The following CEP152 variants were observed in gnomAD, a reference collection of about 807,000 sequenced individuals.
The protein encoded by CEP152 is centrosomal protein 152, also known as centrosomal protein of 152 kDa.
A neutral mutation model predicts 188.9 loss-of-function variants in CEP152; 132 were observed. The observed-to-expected ratio is 0.70, with a 90% confidence interval of 0.61 to 0.81. CEP152 has a LOEUF of 0.81. Among genes scored for constraint, CEP152 ranks in the 30% least tolerant of loss-of-function variants. The pLI, the probability that CEP152 is intolerant of heterozygous loss-of-function variation, is 0.00. For synonymous variants in CEP152, 649 were observed against 666.6 expected (o/e 0.97, Z 0.41); for missense variants, 1,914 against 1,969.8 (o/e 0.97, Z 0.54).
intron 13 of CEP152, among the ~76,000 whole-genome samples, chr15:48,772,197 G>T (rs934675167): frequency 3.3e-5 from 5 of 152,144 alleles, no homozygotes; most frequent in African/African-American, 1.2e-4. Context: ...GATTGCTTGA[G>T]CCCAGGAGTT....
At chr15:48,762,777 T>C in intron 17 of CEP152, 105 bp from the exon 18 acceptor site, 4 of 1,079,102 alleles carry the variant, frequency 3.7e-6, no homozygotes, top group Middle Eastern at 2.5e-4. Flanking sequence ...TTGAAAACCA[T>C]CTAGATATTG....
At position 48,743,510 on chromosome 15, in the gene CEP152, T is replaced by C. The variant is rs1374841841; in HGVS notation, c.3835+730A>G. Among the ~76,000 whole-genome samples, 4 of 152,034 alleles carry C rather than the reference T, an allele frequency of 2.6e-5. No individual in the cohort carries two copies. In the East Asian group the frequency reaches 7.7e-4, roughly 29 times the overall value. ...TTGATAAATTTATAGCTATGAGAAA[T>C]AATAACCAGAAACAACAGAACAATT... On this transcript the variant is annotated intron_variant, in intron 24 of 26. Coordinates refer to ENST00000380950, the MANE Select transcript of CEP152 (RefSeq NM_001194998.2).
intron 2 of CEP152, 71 bp downstream of exon 2, chr15:48,805,492 T>G: frequency 1.3e-6 from 2 of 1,547,104 alleles, no homozygotes; most frequent in Admixed American, 1.9e-5. Context: ...TGATACAATT[T>G]TGATCAAGAA....
rs987731452 is a variant in CEP152, at chr15:48,793,348, G to C, written c.805C>G (p.Leu269Val). 9 of 1,613,836 alleles carry C rather than the reference G, an allele frequency of 5.6e-6. No homozygotes were observed. The African/African-American group carries it at 1.2e-4, about 22-fold the overall frequency. ...LNESERQIRY[L>V]NHQLVIIKDE... ...TTTATTATTACAAGCTGGTGATTCA[G>C]ATATCGAATTTGACGTTCACTTTCA... The change falls in exon 7 of 27, where the codon CTG becomes GTG. Residue 269 changes from leucine to valine, a missense_variant. Coordinates refer to ENST00000380950, the MANE Select transcript of CEP152 (RefSeq NM_001194998.2).
intron 17 of CEP152, among the ~76,000 whole-genome samples, chr15:48,764,431 C>CACTA (rs1894906284): frequency 6.6e-6 from 1 of 152,162 alleles, no homozygotes; most frequent in African/African-American, 2.4e-5. Context: ...CTCTCTACAA[C>CACTA]ACTAACAGTC....
At position 48,767,150 on chromosome 15, in the gene CEP152, C is replaced by G. The variant is rs558073253; in HGVS notation, c.2190G>C (p.Gln730His). The G allele has an allele frequency of 6.2e-7, 1 of 1,613,804 alleles. No homozygotes were observed. Among genetic ancestry groups the G allele is most frequent in the East Asian group, 2.2e-5 (1 of 44,860 alleles). ...DKLNKEVTAV[Q>H]ECYLEVCREK... ...CTCTGCACACTTCTAGGTAACATTC[C>G]TGCACAGCAGTCACCTCCTTATTCA... Residue 730 changes from glutamine (Q) to histidine (H), a missense_variant, in exon 17 of 27, where the codon CAG becomes CAC. Coordinates refer to ENST00000380950, the MANE Select transcript of CEP152 (RefSeq NM_001194998.2).
chr15:48,742,996 T>A (rs1341108580), intron 24 of CEP152, among the ~76,000 whole-genome samples: 2 of 152,150 alleles, frequency 1.3e-5, no homozygotes, highest in Non-Finnish European at 2.9e-5. Context: ...GAAAATGAAA[T>A]GCAGTACATG....
At chr15:48,805,503 A>G in intron 2 of CEP152, 60 bp downstream of exon 2, 2 of 1,566,570 alleles carry the variant, frequency 1.3e-6, no homozygotes, top group Non-Finnish European at 1.7e-6. Flanking sequence ...TGATCAAGAA[A>G]TAAAACTTGT....
At position 48,783,962 on chromosome 15, in the gene CEP152, C is replaced by G. The variant is rs1896449108; in HGVS notation, c.1321+11G>C. 4.3e-6 allele frequency: 7 copies of G among 1,613,492 alleles called. No individual in the cohort carries two copies. The highest frequency in any genetic ancestry group is 2.2e-5 in the East Asian group (1 of 44,850). On this transcript the variant is annotated intron_variant, in intron 10 of 26. Transcript: ENST00000380950. ...CCTTCTGGGGAGACAGTGGACCTAC[C>G]AGACACCTACCGGACTGCAACAAGT...
rs375662359 is a variant in CEP152 at position 48,729,709 on chromosome 15, T to G, written c.142+11922A>C. The G allele has an allele frequency of 5.3e-5, 8 of 152,144 alleles. No individual in the cohort carries two copies. In the East Asian group the frequency reaches 1.2e-3, roughly 22 times the overall value. 9.4% of individuals were successfully genotyped at this position (152,144 alleles called of 1,614,324 possible). ...GGGTGTCTGCAAATAATCTTCATGG[T>G]TAAGGAAAAATGTTTTTATATACAT... On this transcript the variant is annotated intron_variant and NMD_transcript_variant, in intron 2 of 3. Transcript: ENST00000561245.
At chr15:48,809,877 A>G (rs1408802010) in intron 1 of CEP152, among the ~76,000 whole-genome samples, 3 of 152,248 alleles carry the variant, frequency 2.0e-5, no homozygotes, top group Non-Finnish European at 4.4e-5. Context: ...TGTGCAGCCT[A>G]TGAGAAATGT....
rs770761241 is a variant in CEP152, at chr15:48,738,597, T to C, written c.4785A>G (p.Pro1595=). 1 of 1,614,218 alleles carries C rather than the reference T, an allele frequency of 6.2e-7. No individual in the cohort carries two copies. The highest frequency in any genetic ancestry group is 1.1e-5 in the South Asian group (1 of 91,088). ...CACTTGGTATTTCCAAAGTTCCTTG[T>C]GGCCTACCATGTACAAATGATGCTT... The part of the protein sequence containing the change: ...SREASFVHGR[P]QGTLEIPSES... Residue 1595 remains proline, a synonymous_variant, in exon 27 of 27, where the codon CCA becomes CCG. Coordinates refer to ENST00000380950, the MANE Select transcript of CEP152 (RefSeq NM_001194998.2).
chr15:48,778,363 A>G (rs1896045213), intron 12 of CEP152, among the ~76,000 whole-genome samples: 1 of 152,220 alleles, frequency 6.6e-6, no homozygotes, highest in South Asian at 2.1e-4. Flanking sequence ...ACCAGGGGAA[A>G]GAGACAAATA....
Position 48,760,664 on chromosome 15 carries a change from C to T in CEP152, c.2563-398G>A, listed in dbSNP as rs550510298. Among the ~76,000 whole-genome samples the T allele has an allele frequency of 4.6e-5, 7 of 152,286 alleles. No homozygotes were observed. In the South Asian group the frequency reaches 8.3e-4, roughly 18 times the overall value. On this transcript the variant is annotated intron_variant, in intron 18 of 26. Coordinates refer to ENST00000380950, the MANE Select transcript of CEP152 (RefSeq NM_001194998.2). ...CCTTCCTGACTCCTCATGCTCTACA[C>T]ATGTGCATGAACACATACACTGATC... is the stretch of plus-strand genomic sequence containing the variant.
chr15:48,750,612 A>C (rs1037673953), intron 21 of CEP152, among the ~76,000 whole-genome samples: 1 of 152,182 alleles, frequency 6.6e-6, no homozygotes, highest in African/African-American at 2.4e-5. Flanking sequence ...TAACAAGAGA[A>C]CAGATAACTC....
In CEP152 at chr15:48,752,331, G is replaced by A. The variant is rs1464786230; in HGVS notation, c.3466+18C>T. ...ATTATGGATGCTACAAAGACTGGTG[G>A]GAACAAAATCCAATTACCAGCTTCT... is the stretch of plus-strand genomic sequence containing the variant. On this transcript the variant is annotated intron_variant, in intron 21 of 26. Transcript: ENST00000380950. The A allele has an allele frequency of 6.2e-7, 1 of 1,614,012 alleles. No individual in the cohort carries two copies. The highest frequency in any genetic ancestry group is 8.5e-7 in the Non-Finnish European group (1 of 1,180,006).
intron 3 of CEP152, 104 bp from the exon 4 acceptor site, chr15:48,797,834 C>G: frequency 1.3e-6 from 2 of 1,513,478 alleles, no homozygotes; most frequent in Non-Finnish European, 1.8e-6. Context: ...AATCTTCACC[C>G]AAAATTTTAA....
intron 12 of CEP152, among the ~76,000 whole-genome samples, chr15:48,779,056 T>C (rs1443381773): frequency 6.6e-6 from 1 of 152,100 alleles, no homozygotes; most frequent in Non-Finnish European, 1.5e-5. Context: ...AAGAAGTAAC[T>C]ATTTGAAAAG....
At chr15:48,765,006 A>G (rs1894955628) in intron 17 of CEP152, among the ~76,000 whole-genome samples, 1 of 151,594 alleles carries the variant, frequency 6.6e-6, no homozygotes, top group African/African-American at 2.4e-5. Flanking sequence ...AAAAAAAAAA[A>G]GGTGTATTTT....
Sources: gnomAD v4.1 joint callset for allele counts (sites outside exome capture counted in the v4.1 genomes callset) on GRCh38, gnomAD v4.1.1 for gene constraint, MANE v1.5 for transcripts, NCBI Gene and HGNC (gene_info 2026-07-23, HGNC 2026-07-21) for gene names.